Variants in SLC24A3 observed in about 807,000 individuals in gnomAD.
SLC24A3 encodes solute carrier family 24 member 3.
A neutral mutation model predicts 75.8 loss-of-function variants in SLC24A3; 28 were observed. The ratio of observed to expected loss-of-function variants is 0.37; its 90% confidence interval spans 0.27 to 0.51. The LOEUF (loss-of-function observed/expected upper bound fraction) is 0.51, where lower values mean the gene tolerates loss of function less well. Ranked by LOEUF, SLC24A3 falls within the 20% of genes least tolerant of loss-of-function variation. The probability of loss-of-function intolerance (pLI) is 0.94; values close to 1 mark genes in which losing one functional copy is unlikely to be tolerated. For missense variants in SLC24A3, 663 were observed against 847.8 expected (o/e 0.78, Z 2.71); for synonymous variants, 372 against 334.1 (o/e 1.11, Z -1.24).
At chr20:19,497,297 G>T (rs943955644) in intron 2 of SLC24A3, among the ~76,000 whole-genome samples, 1 of 152,152 alleles carries the variant, frequency 6.6e-6, no homozygotes, top group African/African-American at 2.4e-5. Context: ...TGGGTAGAAG[G>T]GGCTAGGACC....
At chr20:19,642,342 C>T (rs774551410) in intron 6 of SLC24A3, among the ~76,000 whole-genome samples, 9 of 152,320 alleles carry the variant, frequency 5.9e-5, no homozygotes, top group Non-Finnish European at 1.3e-4. Flanking sequence ...TCTTCTCATA[C>T]GTTTTTGCAC....
intron 2 of SLC24A3, among the ~76,000 whole-genome samples, chr20:19,491,444 C>T (rs1988207876): frequency 6.6e-6 from 1 of 152,222 alleles, no homozygotes; most frequent in Admixed American, 6.5e-5. Flanking sequence ...CATCTGTCTT[C>T]CATGCCCCTT....
chr20:19,305,399 G>A (rs1270830311), intron 2 of SLC24A3, among the ~76,000 whole-genome samples: 1 of 152,028 alleles, frequency 6.6e-6, no homozygotes, highest in Non-Finnish European at 1.5e-5. Flanking sequence ...GGAGGGTAAG[G>A]GATTTGGCCA....
At chr20:19,580,465 G>A (rs775173143) in intron 4 of SLC24A3, among the ~76,000 whole-genome samples, 3 of 151,604 alleles carry the variant, frequency 2.0e-5, no homozygotes, top group Non-Finnish European at 4.4e-5. Context: ...GATATCCATG[G>A]CATCCTCGCA....
intron 2 of SLC24A3, among the ~76,000 whole-genome samples, chr20:19,304,082 C>T (rs191832612): frequency 4.9e-4 from 75 of 152,282 alleles, no homozygotes; most frequent in African/African-American, 1.5e-3. Context: ...TTAATTTCAA[C>T]GGAATATAAT....
At chr20:19,507,316 G>T (rs748007952) in intron 2 of SLC24A3, among the ~76,000 whole-genome samples, 3 of 152,204 alleles carry the variant, frequency 2.0e-5, no homozygotes, top group South Asian at 2.1e-4. Context: ...GGCAAACAAC[G>T]TGCAAAAGGC....
chr20:19,592,399 A>C (rs2031391070), intron 6 of SLC24A3, among the ~76,000 whole-genome samples: 1 of 152,212 alleles, frequency 6.6e-6, no homozygotes. Flanking sequence ...TTCCATAGCC[A>C]AATCAATAGT....
At chr20:19,534,029 A>G (rs2030351325) in intron 3 of SLC24A3, among the ~76,000 whole-genome samples, 1 of 150,892 alleles carries the variant, frequency 6.6e-6, no homozygotes, top group African/African-American at 2.4e-5. Flanking sequence ...AGTTGACTCT[A>G]TCTGTTATGC....
At chr20:19,692,204 C>G (rs1296711231) in intron 12 of SLC24A3, among the ~76,000 whole-genome samples, 1 of 152,106 alleles carries the variant, frequency 6.6e-6, no homozygotes, top group Non-Finnish European at 1.5e-5. Context: ...TAAAATGGTT[C>G]AATCATTTTG....
At chr20:19,716,848 TG>T (rs2033051410) in intron 15 of SLC24A3, among the ~76,000 whole-genome samples, 1 of 152,118 alleles carries the variant, frequency 6.6e-6, no homozygotes, top group African/African-American at 2.4e-5. Flanking sequence ...CACCCCAGCC[TG>T]GGTAACAGAG....
chr20:19,472,693 C>A (rs139896826), intron 2 of SLC24A3, among the ~76,000 whole-genome samples: 32 of 152,342 alleles, frequency 2.1e-4, no homozygotes, highest in Middle Eastern at 3.4e-3. Context: ...CCTACACTGG[C>A]TTTCCTGGGA....
At chr20:19,267,980 CA>C (rs952177320) in intron 1 of SLC24A3, among the ~76,000 whole-genome samples, 5 of 152,066 alleles carry the variant, frequency 3.3e-5, no homozygotes, top group African/African-American at 9.7e-5. Flanking sequence ...AATTATTTGC[CA>C]AAAGACAATC....
At chr20:19,398,013 T>G (rs1332883693) in intron 2 of SLC24A3, among the ~76,000 whole-genome samples, 1 of 152,216 alleles carries the variant, frequency 6.6e-6, no homozygotes, top group Admixed American at 6.5e-5. Context: ...TATTAGATTA[T>G]GGATGTTTTC....
At chr20:19,412,615 A>G (rs1172674272) in intron 2 of SLC24A3, among the ~76,000 whole-genome samples, 1 of 144,334 alleles carries the variant, frequency 6.9e-6, no homozygotes, top group African/African-American at 2.7e-5. Context: ...GAGGAGCAAG[A>G]GGAGGAGGAG....
At chr20:19,370,274 A>G (rs1600451969) in intron 2 of SLC24A3, among the ~76,000 whole-genome samples, 2 of 152,180 alleles carry the variant, frequency 1.3e-5, no homozygotes, top group African/African-American at 2.4e-5. Context: ...CATTTCCTTC[A>G]TAGCATTTCG....
intron 1 of SLC24A3, among the ~76,000 whole-genome samples, chr20:19,246,672 A>G (rs1262026421): frequency 6.6e-6 from 1 of 152,208 alleles, no homozygotes. Flanking sequence ...AATTTATCTC[A>G]TGAACAGATA....
At chr20:19,331,237 A>T (rs6136683) in intron 2 of SLC24A3, among the ~76,000 whole-genome samples, 1 of 152,106 alleles carries the variant, frequency 6.6e-6, no homozygotes, top group South Asian at 2.1e-4. Flanking sequence ...TGCTGTGGTC[A>T]TGTTAGGGAA....
At chr20:19,643,442 T>C (rs554017081) in intron 6 of SLC24A3, among the ~76,000 whole-genome samples, 1 of 152,314 alleles carries the variant, frequency 6.6e-6, no homozygotes, top group Admixed American at 6.5e-5. Flanking sequence ...TCCAAATCCA[T>C]GTCCAAGCCT....
chr20:19,463,646 C>T (rs1040355718), intron 2 of SLC24A3, among the ~76,000 whole-genome samples: 1 of 96,872 alleles, frequency 1.0e-5, no homozygotes. Flanking sequence ...GCAGAAAGTC[C>T]TTAACAGCCC....
Sources: gnomAD v4.1 joint callset for allele counts (sites outside exome capture counted in the v4.1 genomes callset) on GRCh38, gnomAD v4.1.1 for gene constraint, MANE v1.5 for transcripts, NCBI Gene and HGNC (gene_info 2026-07-23, HGNC 2026-07-21) for gene names.